The following RAB6A variants were observed in gnomAD, a reference collection of about 807,000 sequenced individuals.
RAB6A encodes the protein RAB6A, member RAS oncogene family.
Under a neutral mutation model 32.3 loss-of-function variants are expected in RAB6A, and 8 were observed. The observed-to-expected ratio is 0.25, with a 90% CI of 0.15 to 0.45. The LOEUF is 0.45. Among genes scored for constraint, RAB6A ranks in the 20% least tolerant of loss-of-function variants. The pLI, the probability that RAB6A is intolerant of heterozygous loss-of-function variation, is 1.00. For synonymous variants in RAB6A, 73 were observed against 82.1 expected, an observed-to-expected ratio of 0.89 and a Z score of 0.60; for missense variants, 104 against 249.4, an observed-to-expected ratio of 0.42 and a Z score of 3.93.
chr11:73,750,524 T>A (rs1254126560), intron 1 of RAB6A, among the ~76,000 whole-genome samples: 1 of 151,904 alleles, frequency 6.6e-6, no homozygotes, highest in Non-Finnish European at 1.5e-5. Flanking sequence ...CCCAGCAAAT[T>A]TTTGTATTTT....
At chr11:73,731,354 C>T (rs2134973048) in intron 1 of RAB6A, among the ~76,000 whole-genome samples, 1 of 151,888 alleles carries the variant, frequency 6.6e-6, no homozygotes, top group South Asian at 2.1e-4. Flanking sequence ...ACCATCCTGG[C>T]CAACATGGTG....
At chr11:73,723,348 CAG>C (rs1000788733) in intron 2 of RAB6A, among the ~76,000 whole-genome samples, 3 of 151,752 alleles carry the variant, frequency 2.0e-5, no homozygotes, top group Non-Finnish European at 4.4e-5. Flanking sequence ...TTTTGAGAGA[CAG>C]AGTCTTGCTC....
At chr11:73,751,590 A>C (rs1946669053) in intron 1 of RAB6A, among the ~76,000 whole-genome samples, 1 of 152,216 alleles carries the variant, frequency 6.6e-6, no homozygotes, top group African/African-American at 2.4e-5. Context: ...ACTCTCTTCT[A>C]TTCCCTCTTC....
chr11:73,689,523 A>G (rs1945511728), intron 6 of RAB6A, among the ~76,000 whole-genome samples: 1 of 152,196 alleles, frequency 6.6e-6, no homozygotes, highest in Non-Finnish European at 1.5e-5. Flanking sequence ...CCTGACCTAC[A>G]TCGTAATAAC....
At chr11:73,750,394 G>A (rs904813167) in intron 1 of RAB6A, among the ~76,000 whole-genome samples, 1 of 149,998 alleles carries the variant, frequency 6.7e-6, no homozygotes, top group South Asian at 2.1e-4. Flanking sequence ...CTGTTACCCA[G>A]GCTGGAGTGC....
At chr11:73,679,109 A>T (rs1945314989) in intron 7 of RAB6A, among the ~76,000 whole-genome samples, 1 of 152,184 alleles carries the variant, frequency 6.6e-6, no homozygotes, top group South Asian at 2.1e-4. Context: ...ATGGCTTAAT[A>T]AAAATGCCTG....
chr11:73,686,024 T>C (rs1945450019), intron 6 of RAB6A, among the ~76,000 whole-genome samples: 1 of 152,038 alleles, frequency 6.6e-6, no homozygotes, highest in South Asian at 2.1e-4. Flanking sequence ...CAGTGAATTC[T>C]AGGACTAGAA....
chr11:73,709,904 C>CAT (rs1052688236), intron 5 of RAB6A, among the ~76,000 whole-genome samples: 1 of 142,806 alleles, frequency 7.0e-6, no homozygotes, highest in Non-Finnish European at 1.5e-5. Flanking sequence ...TATACACACA[C>CAT]ATATATACAT....
intron 6 of RAB6A, among the ~76,000 whole-genome samples, chr11:73,698,174 T>C (rs1198206074): frequency 6.6e-6 from 1 of 152,146 alleles, no homozygotes; most frequent in East Asian, 1.9e-4. Flanking sequence ...TGAGCCGAGA[T>C]TGTGCCACTG....
intron 1 of RAB6A, among the ~76,000 whole-genome samples, chr11:73,732,435 A>T (rs1458966660): frequency 6.6e-6 from 1 of 152,032 alleles, no homozygotes; most frequent in Non-Finnish European, 1.5e-5. Context: ...AAATACAAAA[A>T]ATTAGCCAGG....
chr11:73,746,394 C>G (rs914780101), intron 1 of RAB6A, among the ~76,000 whole-genome samples: 60 of 152,110 alleles, frequency 3.9e-4, no homozygotes, highest in African/African-American at 1.4e-3. Flanking sequence ...CCTGTAGTCC[C>G]AAATACTAGG....
At chr11:73,746,770 T>TAAA (rs56703610) in intron 1 of RAB6A, among the ~76,000 whole-genome samples, 1 of 135,262 alleles carries the variant, frequency 7.4e-6, no homozygotes. Context: ...CGAAATAAAT[T>TAAA]AAAAAAAAAA....
chr11:73,680,487 A>G (rs973278503), intron 6 of RAB6A, among the ~76,000 whole-genome samples: 1 of 152,216 alleles, frequency 6.6e-6, no homozygotes, highest in Non-Finnish European at 1.5e-5. Flanking sequence ...CCCTGTCTCT[A>G]CAGAAAATAC....
intron 2 of RAB6A, among the ~76,000 whole-genome samples, chr11:73,727,967 T>C (rs568904286): frequency 1.3e-5 from 2 of 152,226 alleles, no homozygotes; most frequent in Non-Finnish European, 2.9e-5. Flanking sequence ...GAGTAACTTG[T>C]TTTCTTTTTT....
chr11:73,688,063 G>C (rs1010309692), intron 6 of RAB6A, among the ~76,000 whole-genome samples: 2 of 152,148 alleles, frequency 1.3e-5, no homozygotes, highest in Non-Finnish European at 2.9e-5. Context: ...TAGCCACTTG[G>C]TTAAATTAAG....
chr11:73,727,042 G>A (rs1946234123), intron 2 of RAB6A, among the ~76,000 whole-genome samples: 1 of 152,012 alleles, frequency 6.6e-6, no homozygotes, highest in South Asian at 2.1e-4. Flanking sequence ...ATAATGAAGA[G>A]GACTACTATG....
chr11:73,721,020 T>A (rs1946126766), intron 2 of RAB6A, 121 bp from the exon 3 acceptor site: 2 of 769,666 alleles, frequency 2.6e-6, no homozygotes, highest in Non-Finnish European at 4.4e-6. Context: ...TACAACATAG[T>A]CAATTAAGGA....
intron 5 of RAB6A, among the ~76,000 whole-genome samples, chr11:73,710,190 T>A (rs1257033290): frequency 6.7e-6 from 1 of 148,962 alleles, no homozygotes; most frequent in Non-Finnish European, 1.5e-5. Context: ...ATGGTCTCGA[T>A]CTCCGGACCT....
At chr11:73,755,450 T>G (rs1222774985) in intron 1 of RAB6A, among the ~76,000 whole-genome samples, 1 of 151,658 alleles carries the variant, frequency 6.6e-6, no homozygotes, top group Admixed American at 6.6e-5. Context: ...CGCACCACCA[T>G]GCCCGGCTAA....
Sources: gnomAD v4.1 joint callset for allele counts (sites outside exome capture counted in the v4.1 genomes callset) on GRCh38, gnomAD v4.1.1 for gene constraint, MANE v1.5 for transcripts, NCBI Gene and HGNC (gene_info 2026-07-23, HGNC 2026-07-21) for gene names.